ERBB4: variants seen among roughly 807,000 people sequenced by gnomAD.
The protein encoded by ERBB4 is receptor tyrosine-protein kinase erbB-4.
ERBB4 carries 42 observed loss-of-function variants against 158.0 expected under a neutral mutation model. The observed-to-expected ratio is 0.27, with a 90% CI of 0.21 to 0.34. The LOEUF is 0.34. Ranked by LOEUF, ERBB4 falls within the 10% of genes least tolerant of loss-of-function variation. The probability of loss-of-function intolerance (pLI) is 1.00; values close to 1 mark genes in which losing one functional copy is unlikely to be tolerated. For missense variants in ERBB4, 1,333 were observed against 1,624.1 expected (o/e 0.82, Z 3.08); for synonymous variants, 583 against 558.7 (o/e 1.04, Z -0.61).
chr2:212,451,411 T>G (rs537295789), intron 1 of ERBB4, among the ~76,000 whole-genome samples: 1 of 152,216 alleles, frequency 6.6e-6, no homozygotes, highest in Admixed American at 6.5e-5. Flanking sequence ...CAAATAGAAC[T>G]GACCAAATTG....
intron 1 of ERBB4, among the ~76,000 whole-genome samples, chr2:212,282,674 T>G (rs1353318171): frequency 6.6e-6 from 1 of 151,900 alleles, no homozygotes; most frequent in East Asian, 1.9e-4. Context: ...TTAGAGTCAC[T>G]TGAAATCTTC....
chr2:211,520,750 G>C (rs1468137879), intron 20 of ERBB4, among the ~76,000 whole-genome samples: 2 of 152,044 alleles, frequency 1.3e-5, no homozygotes, highest in African/African-American at 4.8e-5. Context: ...CATTGAACAA[G>C]TTTATTTTTC....
chr2:211,630,993 T>C (rs562544736), intron 16 of ERBB4, among the ~76,000 whole-genome samples: 1 of 152,340 alleles, frequency 6.6e-6, no homozygotes, highest in Non-Finnish European at 1.5e-5. Context: ...TGGTTTGTAA[T>C]TTTATTTCCA....
intron 19 of ERBB4, among the ~76,000 whole-genome samples, chr2:211,578,231 G>C (rs1275969679): frequency 6.6e-6 from 1 of 152,084 alleles, no homozygotes; most frequent in African/African-American, 2.4e-5. Flanking sequence ...AAATATGTAG[G>C]AATACAGCTA....
In ERBB4 at chr2:211,817,050, T is replaced by C. The variant is rs148172205; in HGVS notation, c.422-28891A>G. On this transcript the variant is annotated intron_variant, in intron 3 of 27. Transcript: ENST00000342788. ...ATTACATTCAGCCTGCCTGGATAAT[T>C]TTAGATAGTTTTAATGTGAAAGTGC... is the stretch of plus-strand genomic sequence containing the variant. Among the ~76,000 whole-genome samples the C allele has an allele frequency of 2.2e-4, 34 of 152,304 alleles. No homozygotes were observed. In the East Asian group the frequency reaches 6.6e-3, roughly 29 times the overall value.
At chr2:211,801,245 GA>G (rs577097883) in intron 3 of ERBB4, among the ~76,000 whole-genome samples, 64 of 151,986 alleles carry the variant, frequency 4.2e-4, no homozygotes, top group African/African-American at 1.2e-3. Context: ...ATATGATGGG[GA>G]AAAAAAGGGA....
chr2:212,258,337 T>C (rs190526680), intron 1 of ERBB4, among the ~76,000 whole-genome samples: 108 of 151,580 alleles, frequency 7.1e-4, no homozygotes, highest in African/African-American at 2.4e-3. Context: ...ATAATGATCT[T>C]TTAAAAATTC....
intron 1 of ERBB4, among the ~76,000 whole-genome samples, chr2:212,197,644 C>T (rs1014955971): frequency 5.3e-5 from 8 of 152,112 alleles, no homozygotes; most frequent in African/African-American, 1.9e-4. Context: ...TCACAAATGC[C>T]ACTGTGTTTA....
chr2:211,593,012 C>CAAAAA (rs60165704), intron 19 of ERBB4, among the ~76,000 whole-genome samples: 25 of 141,054 alleles, frequency 1.8e-4, no homozygotes, highest in Admixed American at 3.6e-4. Flanking sequence ...GACTCCATCT[C>CAAAAA]AAAAAAAAAA....
intron 20 of ERBB4, among the ~76,000 whole-genome samples, chr2:211,458,646 C>G (rs1463421992): frequency 2.0e-5 from 3 of 152,102 alleles, no homozygotes; most frequent in Non-Finnish European, 4.4e-5. Flanking sequence ...AAAAAATTGT[C>G]CCAAGAGATG....
In ERBB4 at chr2:211,630,388, A is replaced by G. The variant is rs182317363; in HGVS notation, c.2079+74T>C. On this transcript the variant is annotated intron_variant, in intron 17 of 27. Coordinates refer to ENST00000342788, the MANE Select transcript of ERBB4 (RefSeq NM_005235.3). ...AACAGAATTTTACTTGGATTAAATA[A>G]TTGAACATCATCTAAACCTTCTAAA... 4.5e-6 allele frequency: 7 copies of G among 1,565,674 alleles called. No homozygotes were observed. The Admixed American group carries it at 1.2e-4, about 26-fold the overall frequency.
intron 3 of ERBB4, among the ~76,000 whole-genome samples, chr2:211,808,738 T>A: frequency 6.6e-6 from 1 of 152,246 alleles, no homozygotes; most frequent in East Asian, 1.9e-4. Flanking sequence ...ATTTTAACAA[T>A]ATTGATTCTT....
rs559915776 is a variant in ERBB4 at position 211,668,210 on chromosome 2, T to A, written c.1717-2733A>T. ...ATAATTTTATGGTAACACCATTGCATATGTCCATCACTAACTGAAATGTTG... is the reference window on the plus strand; with the variant it reads ...ATAATTTTATGGTAACACCATTGCAAATGTCCATCACTAACTGAAATGTTG... On this transcript the variant is annotated intron_variant, in intron 14 of 27. Coordinates refer to ENST00000342788, the MANE Select transcript of ERBB4 (RefSeq NM_005235.3). Among the ~76,000 whole-genome samples, 285 of 152,348 alleles carry A rather than the reference T, an allele frequency of 1.9e-3. 2 individuals are homozygous for A. Among genetic ancestry groups the A allele is most frequent in the Admixed American group, 6.0e-3 (91 of 15,294 alleles).
At chr2:211,416,818 T>C (rs974066294) in intron 25 of ERBB4, among the ~76,000 whole-genome samples, 10 of 151,544 alleles carry the variant, frequency 6.6e-5, no homozygotes, top group African/African-American at 2.4e-4. Flanking sequence ...CTTCCCTTTT[T>C]TTTTTTTTTT....
In ERBB4 at chr2:212,233,931, C is replaced by T. The variant is rs115460188; in HGVS notation, c.83-109028G>A. Reference sequence around the variant, plus strand: ...TCTGTCCTAAATTAACAGTATTTCTCTAGATGTTTTTGTATATGTCTCTTT... The same window carrying T: ...TCTGTCCTAAATTAACAGTATTTCTTTAGATGTTTTTGTATATGTCTCTTT... On this transcript the variant is annotated intron_variant, in intron 1 of 27. Coordinates refer to ENST00000342788, the MANE Select transcript of ERBB4 (RefSeq NM_005235.3). 6.4e-3 allele frequency among the ~76,000 whole-genome samples: 967 copies of T among 150,424 alleles called. 13 individuals carry two copies. The highest frequency in any genetic ancestry group is 0.023 in the African/African-American group (926 of 41,150).
intron 20 of ERBB4, among the ~76,000 whole-genome samples, chr2:211,489,461 TA>T (rs1249493503): frequency 2.0e-5 from 3 of 151,954 alleles, no homozygotes; most frequent in Non-Finnish European, 4.4e-5. Context: ...GAATTAAACG[TA>T]AAAAACTTTG....
At position 211,544,662 on chromosome 2, in the gene ERBB4, T is replaced by C. The variant is rs114644272; in HGVS notation, c.2487+17241A>G. Among the ~76,000 whole-genome samples, 1,379 of 152,192 alleles carry C rather than the reference T, an allele frequency of 9.1e-3. 17 individuals carry two copies. The highest frequency in any genetic ancestry group is 0.031 in the African/African-American group (1,269 of 41,548). On this transcript the variant is annotated intron_variant, in intron 20 of 27. Transcript: ENST00000342788. ...TTATTGAATGCTGATATACATCAGA[T>C]ACTGTGTTAGGTACTTTGCATACAT...
intron 1 of ERBB4, among the ~76,000 whole-genome samples, chr2:212,327,119 T>C (rs918201932): frequency 1.3e-5 from 2 of 150,612 alleles, no homozygotes; most frequent in Admixed American, 6.6e-5. Flanking sequence ...TTTGAGACGA[T>C]TAAATGAGTT....
chr2:211,415,802 ATTC>A (rs1391297568), intron 25 of ERBB4, among the ~76,000 whole-genome samples: 1 of 152,166 alleles, frequency 6.6e-6, no homozygotes, highest in African/African-American at 2.4e-5. Flanking sequence ...AATTTTCTTC[ATTC>A]TTCTTCACTT....
Sources: gnomAD v4.1 joint callset for allele counts (sites outside exome capture counted in the v4.1 genomes callset) on GRCh38, gnomAD v4.1.1 for gene constraint, MANE v1.5 for transcripts, NCBI Gene and HGNC (gene_info 2026-07-23, HGNC 2026-07-21) for gene names.